DHX38: variants seen among roughly 807,000 people sequenced by gnomAD.
The protein encoded by DHX38 is DEAH-box helicase 38, also known as pre-mRNA-splicing factor ATP-dependent RNA helicase PRP16.
In DHX38, 100 loss-of-function variants were observed where a neutral mutation model predicts 153.1. The ratio of observed to expected loss-of-function variants is 0.65; its 90% CI spans 0.56 to 0.77. The LOEUF (loss-of-function observed/expected upper bound fraction) is 0.77. Ranked by LOEUF, DHX38 falls within the 30% of genes least tolerant of loss-of-function variation. The pLI is 0.00. For synonymous variants in DHX38, 650 were observed against 631.7 expected (o/e 1.03, Z -0.43); for missense variants, 1,440 against 1,654.0 (o/e 0.87, Z 2.24).
chr16:72,100,628 A>T (rs1347638654), intron 9 of DHX38, 31 bp downstream of exon 9: 2 of 1,608,342 alleles, frequency 1.2e-6, no homozygotes, highest in Non-Finnish European at 1.7e-6. Context: ...GGGACAAGAC[A>T]GCTCAGAGAG....
chr16:72,103,587 T>C lies in DHX38; in HGVS notation c.1638-15T>C, dbSNP rs2042129548. The C allele has an allele frequency of 6.3e-7, 1 of 1,595,540 alleles. No homozygotes were observed. The highest frequency in any genetic ancestry group is 1.3e-5 in the African/African-American group (1 of 74,626). On this transcript the variant is annotated splice_polypyrimidine_tract_variant and intron_variant, in intron 12 of 26. Coordinates refer to ENST00000268482, the MANE Select transcript of DHX38 (RefSeq NM_014003.4). ...CACTTCGGCTGATAAGCCCTTTGCC[T>C]GCTTGTCCTTGTAGAGACAACAGCA...
chr16:72,102,340 A>G (rs1353522308), intron 11 of DHX38, among the ~76,000 whole-genome samples: 1 of 152,116 alleles, frequency 6.6e-6, no homozygotes, highest in African/African-American at 2.4e-5. Context: ...ACTGGGTGAA[A>G]TTAGAAATAG....
chr16:72,110,864 C>T, intron 25 of DHX38, 92 bp from the exon 26 acceptor site: 1 of 1,473,874 alleles, frequency 6.8e-7, no homozygotes, highest in South Asian at 1.4e-5. Context: ...GTGGATGCAG[C>T]ACCTGGTTTG....
chr16:72,101,426 C>G (rs1022062961), intron 10 of DHX38, 74 bp from the exon 11 acceptor site: 19 of 1,440,046 alleles, frequency 1.3e-5, no homozygotes, highest in Non-Finnish European at 1.5e-5. Flanking sequence ...GAAGTCTGCT[C>G]TCCCGTGGGA....
chr16:72,105,480 G>T, intron 17 of DHX38, 37 bp from the exon 18 acceptor site: 1 of 1,612,672 alleles, frequency 6.2e-7, no homozygotes, highest in East Asian at 2.2e-5. Context: ...CCTGTCTCGA[G>T]GGACTCATTT....
In DHX38 at chr16:72,104,918, A is replaced by G; in HGVS notation, c.2152-109A>G. 1 of 1,142,346 alleles carries G rather than the reference A, an allele frequency of 8.8e-7. No homozygotes were observed. Among genetic ancestry groups the G allele is most frequent in the Non-Finnish European group, 1.2e-6 (1 of 811,008 alleles). 70.8% of individuals were successfully genotyped at this position (1,142,346 alleles called of 1,614,324 possible). The stretch of plus-strand genomic sequence containing the variant: ...CCATGTGGAGGTGTGGTGGCCCTCA[A>G]AGTCCATGGCTCCATTCCAGAGCAG... On this transcript the variant is annotated intron_variant, in intron 15 of 26. Coordinates refer to ENST00000268482, the MANE Select transcript of DHX38 (RefSeq NM_014003.4). This position sits in a 1 kb window ranked among gnomAD's most constrained non-coding sequence, Gnocchi z 4.5.
chr16:72,112,278 C>A, intron 26 of DHX38, 135 bp from the exon 27 acceptor site: 1 of 776,798 alleles, frequency 1.3e-6, no homozygotes, highest in Non-Finnish European at 2.1e-6. Context: ...GAGAATGTGC[C>A]GGGGAGGAGA....
In DHX38 at chr16:72,108,211, C is replaced by T; in HGVS notation, c.2965-16C>T. 2 of 1,613,260 alleles carry T rather than the reference C, an allele frequency of 1.2e-6. No individual in the cohort carries two copies. Among genetic ancestry groups the T allele is most frequent in the Non-Finnish European group, 1.7e-6 (2 of 1,179,838 alleles). On this transcript the variant is annotated splice_polypyrimidine_tract_variant and intron_variant, in intron 21 of 26. Transcript: ENST00000268482. ...CCCCCCTGTACTTAGAGTGAAGGTT[C>T]TTTTTCCCTTCCTAGGGTCGAGAGG...
At chr16:72,105,911 C>A in intron 18 of DHX38, 94 bp from the exon 19 acceptor site, 2 of 1,169,166 alleles carry the variant, frequency 1.7e-6, no homozygotes, top group Non-Finnish European at 2.5e-6. Flanking sequence ...TCTTCCTCTG[C>A]CATGTGTAGC....
In DHX38 at chr16:72,108,512, C is replaced by T; in HGVS notation, c.3160C>T (p.Gln1054Ter). Reference protein sequence around the residue: ...VRAQLKDIMVQQRMSLASCGT... With the variant: ...VRAQLKDIMV ...AGCTCAACTCAAGGACATCATGGTGCAGCAGCGGATGAGCCTGGCCTCGTG... is the reference window on the plus strand; with the variant it reads ...AGCTCAACTCAAGGACATCATGGTGTAGCAGCGGATGAGCCTGGCCTCGTG... Residue 1054 changes from glutamine (Q) to a stop codon, truncating the protein, a stop_gained, in exon 23 of 27, where the codon CAG becomes TAG. Transcript: ENST00000268482. LOFTEE classifies it high-confidence loss of function. 6.2e-7 allele frequency: 1 copy of T among 1,614,212 alleles called. No individual in the cohort carries two copies. Among genetic ancestry groups the T allele is most frequent in the Non-Finnish European group, 8.5e-7 (1 of 1,180,038 alleles).
rs752923486 is a variant in DHX38, at chr16:72,108,545, G to C, written c.3193G>C (p.Asp1065His). 7 of 1,614,196 alleles carry C rather than the reference G, an allele frequency of 4.3e-6. No homozygotes were observed. Among genetic ancestry groups the C allele is most frequent in the South Asian group, 1.1e-5 (1 of 91,080 alleles). ...GATGAGCCTGGCCTCGTGTGGCACT[G>C]ACTGGGACATCGTCAGGAAGTGCAT... Reference protein sequence around the residue: ...QRMSLASCGTDWDIVRKCICA... With the variant: ...QRMSLASCGTHWDIVRKCICA... Residue 1065 changes from aspartate to histidine, a missense_variant, in exon 23 of 27, where the codon GAC becomes CAC. Asp to His is a moderately conservative substitution (Grantham distance 81). This residue lies in a region of DHX38 where 543 missense variants were observed against 717.9 expected (regional missense o/e 0.76). Coordinates refer to ENST00000268482, the MANE Select transcript of DHX38 (RefSeq NM_014003.4).
intron 26 of DHX38, among the ~76,000 whole-genome samples, chr16:72,111,518 A>G (rs2042256094): frequency 6.6e-6 from 1 of 152,196 alleles, no homozygotes; most frequent in African/African-American, 2.4e-5. Context: ...TGGTGTCCCC[A>G]TGGACCCCTG....
intron 6 of DHX38, 49 bp downstream of exon 6, chr16:72,099,094 C>T (rs748989584): frequency 5.6e-5 from 90 of 1,607,424 alleles, no homozygotes; most frequent in South Asian, 1.4e-4. Context: ...CTTGCCCTAG[C>T]GAGGATGAGC....
At chr16:72,097,096 C>T (rs766168832) in intron 3 of DHX38, 87 bp downstream of exon 3, 4 of 1,434,780 alleles carry the variant, frequency 2.8e-6, no homozygotes, top group African/African-American at 1.4e-5. Context: ...TTTTGCAACA[C>T]CCATTTGTTA....
intron 19 of DHX38, among the ~76,000 whole-genome samples, chr16:72,106,738 A>T (rs1331940034): frequency 6.6e-6 from 1 of 152,182 alleles, no homozygotes; most frequent in Non-Finnish European, 1.5e-5. Context: ...GGTGTGAGCC[A>T]CTCTGCCTGG....
Position 72,099,803 on chromosome 16 carries a change from C to T in DHX38, c.1032C>T (p.Ser344=), listed in dbSNP as rs776352667. ...DEFHNPLAYS[S]EDYVRRREQH... ...TCCACAACCCGCTGGCCTACTCCTC[C>T]GAGGACTACGTGAGGAGGCGGGAGC... Residue 344 remains serine (S), a synonymous_variant, in exon 8 of 27, where the codon TCC becomes TCT. Coordinates refer to ENST00000268482, the MANE Select transcript of DHX38 (RefSeq NM_014003.4). 12 of 1,614,036 alleles carry T rather than the reference C, an allele frequency of 7.4e-6. No homozygotes were observed. The highest frequency in any genetic ancestry group is 4.0e-5 in the African/African-American group (3 of 74,940).
intron 3 of DHX38, 23 bp from the exon 4 acceptor site, chr16:72,097,654 A>T: frequency 6.2e-7 from 1 of 1,609,530 alleles, no homozygotes; most frequent in South Asian, 1.1e-5. Context: ...GCATGTTTTT[A>T]AGCTTCGTGT....
intron 25 of DHX38, 48 bp from the exon 26 acceptor site, chr16:72,110,908 C>A: frequency 6.5e-7 from 1 of 1,534,106 alleles, no homozygotes; most frequent in Admixed American, 2.0e-5. Flanking sequence ...AGGCCTCCTT[C>A]CTTAGTGGTC....
At chr16:72,105,169 G>A (rs2042156969) in intron 16 of DHX38, 32 bp downstream of exon 16, 1 of 1,613,804 alleles carries the variant, frequency 6.2e-7, no homozygotes, top group Non-Finnish European at 8.5e-7. Context: ...GTGATGAGCG[G>A]GTGTGTCTTG....
Sources: allele counts gnomAD v4.1 joint callset (sites outside exome capture counted in the v4.1 genomes callset), GRCh38; gene constraint gnomAD v4.1.1; regional missense constraint gnomAD v4.1.1; non-coding constraint Gnocchi (gnomAD v3.1); transcripts MANE v1.5; gene names NCBI Gene and HGNC (gene_info 2026-07-23, HGNC 2026-07-21).